The following NECTIN3 variants were observed in gnomAD, a reference collection of about 807,000 sequenced individuals.
The protein encoded by NECTIN3 is nectin-3.
A neutral mutation model predicts 49.4 loss-of-function variants in NECTIN3; 8 were observed. That is an observed-to-expected ratio of 0.16 (90% CI 0.10 to 0.29). The LOEUF is 0.29. Among genes scored for constraint, NECTIN3 ranks in the 10% least tolerant of loss-of-function variants. The pLI, the probability that NECTIN3 is intolerant of heterozygous loss-of-function variation, is 1.00. For synonymous variants in NECTIN3, 277 were observed against 241.1 expected, an observed-to-expected ratio of 1.15 and a Z score of -1.38; for missense variants, 581 against 654.6, an observed-to-expected ratio of 0.89 and a Z score of 1.23.
chr3:111,087,490 T>G (rs2032001530), intron 1 of NECTIN3, among the ~76,000 whole-genome samples: 1 of 151,826 alleles, frequency 6.6e-6, no homozygotes, highest in Admixed American at 6.6e-5. Context: ...CTGTCTCTAT[T>G]AAAAATACAA....
chr3:111,139,033 C>G (rs1481933146), downstream of NECTIN3, among the ~76,000 whole-genome samples: 3 of 151,580 alleles, frequency 2.0e-5, no homozygotes, highest in African/African-American at 4.8e-5. Flanking sequence ...TGAAATGGAC[C>G]TCCATGTACT....
chr3:111,074,376 A>G (rs1011256181), intron 1 of NECTIN3: 4 of 357,018 alleles, frequency 1.1e-5, no homozygotes, highest in Admixed American at 3.3e-5. Context: ...CCAGTTTTAG[A>G]GTTGAAAAGA....
At chr3:111,190,369 A>G (rs2035793674), upstream of NECTIN3, among the ~76,000 whole-genome samples, 1 of 152,248 alleles carries the variant, frequency 6.6e-6, no homozygotes, top group Admixed American at 6.5e-5. Flanking sequence ...TAAATTCATT[A>G]GTGAACTATT....
chr3:111,072,125 A>G lies in NECTIN3; in HGVS notation c.108A>G (p.Pro36=), dbSNP rs992593218. ...GGCTCCTGCTGCAGCCCCCGACGCC[A>G]CCTCCGCTGCTGCTGCTGCTCTTCC... ...GAGLLLQPPT[P]PPLLLLLFPL... The change falls in exon 1 of 6, where the codon CCA becomes CCG. Residue 36 remains proline (P), a synonymous_variant. Transcript: ENST00000485303. The G allele has an allele frequency of 2.2e-5, 34 of 1,549,344 alleles. No individual in the cohort carries two copies. In the African/African-American group the frequency reaches 2.8e-4, roughly 13 times the overall value.
intron 4 of NECTIN3, among the ~76,000 whole-genome samples, chr3:111,124,929 G>T (rs1177792558): frequency 1.3e-5 from 2 of 151,816 alleles, no homozygotes; most frequent in Non-Finnish European, 2.9e-5. Context: ...TTGAATGAAG[G>T]AATAAGTGAA....
At chr3:111,170,468 C>A (rs2035414454) in intron 7 of NECTIN3, among the ~76,000 whole-genome samples, 1 of 152,102 alleles carries the variant, frequency 6.6e-6, no homozygotes, top group African/African-American at 2.4e-5. Flanking sequence ...TTCAGTGATA[C>A]TTTTATTAAA....
intron 7 of NECTIN3, among the ~76,000 whole-genome samples, chr3:111,149,954 T>A (rs1056641824): frequency 1.3e-5 from 2 of 152,042 alleles, no homozygotes; most frequent in Non-Finnish European, 2.9e-5. Flanking sequence ...TTGGAAGAAT[T>A]AAAAACATTG....
downstream of NECTIN3, among the ~76,000 whole-genome samples, chr3:111,139,269 A>T (rs775243971): frequency 6.6e-6 from 1 of 151,744 alleles, no homozygotes; most frequent in African/African-American, 2.4e-5. Context: ...TGTATTTTGC[A>T]GTTTTAATCA....
intron 1 of NECTIN3, among the ~76,000 whole-genome samples, chr3:111,084,825 A>G (rs1278041465): frequency 6.6e-6 from 1 of 152,220 alleles, no homozygotes; most frequent in Non-Finnish European, 1.5e-5. Context: ...AGATTGATGT[A>G]GGAATTAGAT....
At chr3:111,182,977 A>T (rs1352462042) in intron 7 of NECTIN3, among the ~76,000 whole-genome samples, 1 of 151,842 alleles carries the variant, frequency 6.6e-6, no homozygotes, top group East Asian at 1.9e-4. Flanking sequence ...TTTTAATTTA[A>T]ATACATTTAT....
chr3:111,153,541 T>C (rs1477620949), intron 7 of NECTIN3, among the ~76,000 whole-genome samples: 7 of 152,018 alleles, frequency 4.6e-5, no homozygotes, highest in Admixed American at 3.9e-4. Flanking sequence ...TAATATATGC[T>C]ACATCCTTAG....
chr3:111,080,306 A>G (rs1273904903), intron 1 of NECTIN3, among the ~76,000 whole-genome samples: 2 of 152,110 alleles, frequency 1.3e-5, no homozygotes, highest in African/African-American at 4.8e-5. Context: ...GGATCTGGGC[A>G]TTGATATATT....
intron 1 of NECTIN3, among the ~76,000 whole-genome samples, chr3:111,088,913 T>A (rs1273969665): frequency 2.6e-5 from 4 of 152,172 alleles, no homozygotes; most frequent in African/African-American, 9.6e-5. Flanking sequence ...TTTTTCTTTG[T>A]TTTGCAGAAT....
intron 3 of NECTIN3, among the ~76,000 whole-genome samples, chr3:111,120,307 T>C (rs2033889243): frequency 6.6e-6 from 1 of 152,186 alleles, no homozygotes; most frequent in Non-Finnish European, 1.5e-5. Flanking sequence ...GTTTATAATA[T>C]GGTATTGATT....
At chr3:111,125,022 C>CTTTTTTTTTT (rs869201432) in intron 4 of NECTIN3, among the ~76,000 whole-genome samples, 100 of 90,178 alleles carry the variant, frequency 1.1e-3, no homozygotes, top group Non-Finnish European at 1.6e-3. Context: ...TCTTTTCTTT[C>CTTTTTTTTTT]TTTTTTTTTT....
chr3:111,164,512 G>A (rs1295401876), intron 7 of NECTIN3, among the ~76,000 whole-genome samples: 2 of 152,012 alleles, frequency 1.3e-5, no homozygotes, highest in Non-Finnish European at 2.9e-5. Context: ...CCAAAAACTG[G>A]GTGACTTAAA....
intron 1 of NECTIN3, among the ~76,000 whole-genome samples, chr3:111,104,301 G>A (rs2033066534): frequency 7.1e-6 from 1 of 140,746 alleles, no homozygotes; most frequent in Non-Finnish European, 1.5e-5. Flanking sequence ...CTTTGGTGAT[G>A]TCTGTTCAGA....
At chr3:111,086,524 G>C (rs1011465790) in intron 1 of NECTIN3, among the ~76,000 whole-genome samples, 6 of 152,100 alleles carry the variant, frequency 3.9e-5, no homozygotes, top group African/African-American at 1.4e-4. Flanking sequence ...ACTCTCTGCT[G>C]TGCAATGCTG....
intron 7 of NECTIN3, among the ~76,000 whole-genome samples, chr3:111,185,193 T>A (rs970383141): frequency 6.6e-6 from 1 of 152,196 alleles, no homozygotes; most frequent in Non-Finnish European, 1.5e-5. Flanking sequence ...TTCAGTCACC[T>A]CAACTTTCCT....
Sources: gnomAD v4.1 joint callset for allele counts (sites outside exome capture counted in the v4.1 genomes callset) on GRCh38, gnomAD v4.1.1 for gene constraint, MANE v1.5 for transcripts, NCBI Gene and HGNC (gene_info 2026-07-23, HGNC 2026-07-21) for gene names.